Variants in SEC63 observed in about 807,000 individuals in gnomAD.
The protein encoded by SEC63 is translocation protein SEC63 homolog.
Under a neutral mutation model 116.2 loss-of-function variants are expected in SEC63, and 56 were observed. The observed-to-expected ratio is 0.48, with a 90% CI of 0.39 to 0.60. The LOEUF (loss-of-function observed/expected upper bound fraction) is 0.60. Among genes scored for constraint, SEC63 ranks in the 20% least tolerant of loss-of-function variants. The probability of loss-of-function intolerance (pLI) is 0.00; values close to 1 mark genes in which losing one functional copy is unlikely to be tolerated. For missense variants in SEC63, 668 were observed against 900.0 expected, an observed-to-expected ratio of 0.74 and a Z score of 3.30; for synonymous variants, 273 against 294.6, an observed-to-expected ratio of 0.93 and a Z score of 0.75.
chr6:107,885,578 A>G (rs1488577539), intron 16 of SEC63, among the ~76,000 whole-genome samples: 1 of 152,222 alleles, frequency 6.6e-6, no homozygotes, highest in African/African-American at 2.4e-5. Flanking sequence ...TTCTCCCCAT[A>G]ATGAACCATG....
At chr6:107,946,431 T>C (rs916452260) in intron 1 of SEC63, among the ~76,000 whole-genome samples, 1 of 151,820 alleles carries the variant, frequency 6.6e-6, no homozygotes, top group African/African-American at 2.4e-5. Flanking sequence ...CTCAAACTCT[T>C]TACCTCAAAC....
Position 107,911,384 on chromosome 6 carries a change from A to G in SEC63, c.586T>C (p.Tyr196His). The G allele has an allele frequency of 6.2e-7, 1 of 1,606,830 alleles. No homozygotes were observed. The highest frequency in any genetic ancestry group is 8.5e-7 in the Non-Finnish European group (1 of 1,173,674). Residue 196 changes from tyrosine (Y) to histidine (H), a missense_variant, in exon 7 of 21, where the codon TAT becomes CAT. Physicochemically the swap from Tyr to His is moderately conservative, Grantham distance 83. Around this residue, in one of 5 missense-constraint regions of SEC63, gnomAD observed 430 missense variants for 557.5 expected, o/e 0.77. Transcript: ENST00000369002. The stretch of plus-strand genomic sequence containing the variant: ...AGGATAACCATAAATGCCAATCCAT[A>G]TACAAGTAAAACCTAAAATTGAAGA... ...QKNSILVLLVYGLAFMVILPV... is the reference protein window; with the variant it reads ...QKNSILVLLVHGLAFMVILPV...
In SEC63 at chr6:107,955,882, CTAAA is replaced by C. The variant is rs150788370; in HGVS notation, c.124+2000_124+2003del. ...TGGGCAACAGAGTGAGACTCTGTCTCTAAATAAATAAATAAATAAATAAATAAAT... is the reference window on the plus strand; with the variant it reads ...TGGGCAACAGAGTGAGACTCTGTCTCTAAATAAATAAATAAATAAATAAAT... On this transcript the variant is annotated intron_variant, in intron 1 of 20. Coordinates refer to ENST00000369002, the MANE Select transcript of SEC63 (RefSeq NM_007214.5). The C allele has an allele frequency of 2.4e-3, 519 of 214,240 alleles. 5 individuals are homozygous for C. Among genetic ancestry groups the C allele is most frequent in the South Asian group, 7.3e-3 (124 of 16,874 alleles). 13.3% of individuals were successfully genotyped at this position (214,240 alleles called of 1,614,324 possible). A position where few individuals can be genotyped will look rare whatever the true frequency, so the allele number is the denominator to read the frequency against.
rs548377304 is a variant in SEC63 at position 107,887,125 on chromosome 6, C to T, written c.1675-3979G>A. ...AGCTGCTGGAGAGGATGTGGAGAAA[C>T]AGGAACACTTTTACACTGTTGGTGG... is the stretch of plus-strand genomic sequence containing the variant. On this transcript the variant is annotated intron_variant, in intron 16 of 20. Coordinates refer to ENST00000369002, the MANE Select transcript of SEC63 (RefSeq NM_007214.5). Among the ~76,000 whole-genome samples, 826 of 151,990 alleles carry T rather than the reference C, an allele frequency of 5.4e-3. 9 individuals carry two copies. The highest frequency in any genetic ancestry group is 0.017 in the African/African-American group (685 of 41,484).
chr6:107,919,746 C>T (rs1451142520), intron 4 of SEC63, among the ~76,000 whole-genome samples: 3 of 151,228 alleles, frequency 2.0e-5, no homozygotes, highest in East Asian at 3.9e-4. Flanking sequence ...GGCGTGAACC[C>T]GGGAGGCGGA....
At chr6:107,953,847 G>A (rs1770639312) in intron 1 of SEC63, among the ~76,000 whole-genome samples, 1 of 143,200 alleles carries the variant, frequency 7.0e-6, no homozygotes, top group African/African-American at 2.7e-5. Flanking sequence ...GGAGGTGGGG[G>A]GGTCAGCCCC....
At chr6:107,924,735 A>T in intron 3 of SEC63, 83 bp downstream of exon 3, 1 of 738,464 alleles carries the variant, frequency 1.4e-6, no homozygotes. Context: ...CTATAGGAAT[A>T]GACAATTTCT....
At chr6:107,954,283 G>T (rs1219073723) in intron 1 of SEC63, among the ~76,000 whole-genome samples, 1 of 151,526 alleles carries the variant, frequency 6.6e-6, no homozygotes, top group African/African-American at 2.4e-5. Flanking sequence ...CTCGTTAAGA[G>T]TCATCACCAC....
intron 16 of SEC63, among the ~76,000 whole-genome samples, chr6:107,889,981 G>A (rs551101470): frequency 9.2e-5 from 14 of 152,300 alleles, no homozygotes; most frequent in African/African-American, 2.9e-4. Context: ...CACATTTGCT[G>A]AGGAGTGTTT....
chr6:107,933,703 CCTCT>C (rs1787861681), intron 1 of SEC63, among the ~76,000 whole-genome samples: 1 of 151,456 alleles, frequency 6.6e-6, no homozygotes, highest in African/African-American at 2.4e-5. Context: ...CCTGCCCCTG[CCTCT>C]CCCTCTCCCC....
chr6:107,916,731 G>A (rs1787408619), intron 4 of SEC63, among the ~76,000 whole-genome samples: 1 of 152,120 alleles, frequency 6.6e-6, no homozygotes, highest in Non-Finnish European at 1.5e-5. Flanking sequence ...AGTGATATGT[G>A]ATCTTTGACA....
chr6:107,894,889 C>T (rs1318164933), intron 14 of SEC63, among the ~76,000 whole-genome samples: 1 of 152,070 alleles, frequency 6.6e-6, no homozygotes, highest in African/African-American at 2.4e-5. Flanking sequence ...TGTGCCTGCC[C>T]TGCCACCTGC....
chr6:107,945,862 G>T (rs1443000269), intron 1 of SEC63, among the ~76,000 whole-genome samples: 4 of 152,122 alleles, frequency 2.6e-5, no homozygotes, highest in Non-Finnish European at 5.9e-5. Flanking sequence ...AAGCAGATAT[G>T]CAACAAGATG....
At chr6:107,917,891 C>A (rs1393879554) in intron 4 of SEC63, among the ~76,000 whole-genome samples, 1 of 152,204 alleles carries the variant, frequency 6.6e-6, no homozygotes, top group Non-Finnish European at 1.5e-5. Flanking sequence ...GCAAGTTATC[C>A]AGAAGATCTA....
rs1583723063 is a variant in SEC63 at position 107,879,538 on chromosome 6, T to G, written c.1935+1611A>C. ...CGGGGTTTTGCCATGTTGGCCAGGC[T>G]GGTCTCAAACTCCTGACCTCAGGTG... On this transcript the variant is annotated intron_variant, in intron 18 of 20. Transcript: ENST00000369002. 3.3e-5 allele frequency among the ~76,000 whole-genome samples: 5 copies of G among 152,318 alleles called. No homozygotes were observed. In the South Asian group the frequency reaches 1.0e-3, roughly 32 times the overall value.
intron 16 of SEC63, among the ~76,000 whole-genome samples, chr6:107,886,067 T>C (rs1786521188): frequency 6.6e-6 from 1 of 152,180 alleles, no homozygotes; most frequent in Non-Finnish European, 1.5e-5. Flanking sequence ...GTCCATGTGT[T>C]CTCATTGTTC....
At position 107,868,896 on chromosome 6, in the gene SEC63, A is replaced by G. The variant is rs886512494; in HGVS notation, c.*2808T>C. The G allele has an allele frequency of 6.6e-6, 1 of 152,232 alleles. No homozygotes were observed. Among genetic ancestry groups the G allele is most frequent in the African/African-American group, 2.4e-5 (1 of 41,462 alleles). 9.4% of individuals were successfully genotyped at this position (152,232 alleles called of 1,614,324 possible). A position where few individuals can be genotyped will look rare whatever the true frequency, so the allele number is the denominator to read the frequency against. On this transcript the variant is annotated 3_prime_UTR_variant, in exon 21 of 21. Transcript: ENST00000369002. Reference sequence around the variant, plus strand: ...TGTAAGGTGCTGAATTACATTTGAAATAAGAATTGTGACTACAGAACACTC... The same window carrying G: ...TGTAAGGTGCTGAATTACATTTGAAGTAAGAATTGTGACTACAGAACACTC...
chr6:107,888,912 A>C (rs1158207007), intron 16 of SEC63, among the ~76,000 whole-genome samples: 1 of 152,198 alleles, frequency 6.6e-6, no homozygotes, highest in Non-Finnish European at 1.5e-5. Flanking sequence ...GCATATGTTG[A>C]ACCAGCCTTG....
intron 1 of SEC63, among the ~76,000 whole-genome samples, chr6:107,956,315 G>A (rs1770709928): frequency 6.6e-6 from 1 of 152,078 alleles, no homozygotes; most frequent in Non-Finnish European, 1.5e-5. Flanking sequence ...TGGCTGTTAG[G>A]TGAAAATAAA....
Sources: gnomAD v4.1 joint callset for allele counts (sites outside exome capture counted in the v4.1 genomes callset) on GRCh38, gnomAD v4.1.1 for gene constraint, gnomAD v4.1.1 regional missense constraint, MANE v1.5 for transcripts, NCBI Gene and HGNC (gene_info 2026-07-23, HGNC 2026-07-21) for gene names.